The following ADGRL4 variants were observed in gnomAD, a reference collection of about 807,000 sequenced individuals.
ADGRL4 encodes adhesion G protein-coupled receptor L4.
ADGRL4 carries 90 observed loss-of-function variants against 74.8 expected under a neutral mutation model. The observed-to-expected ratio is 1.20, with a 90% CI of 1.02 to 1.43. The LOEUF (loss-of-function observed/expected upper bound fraction) is 1.43. ADGRL4 is among the 40% of genes most tolerant of loss of function. The probability of loss-of-function intolerance (pLI) is 0.00; values close to 1 mark genes in which losing one functional copy is unlikely to be tolerated. For synonymous variants in ADGRL4, 311 were observed against 279.2 expected (o/e 1.11, Z -1.14); for missense variants, 881 against 814.3 (o/e 1.08, Z -1.00).
At chr1:78,982,685 A>G (rs906919803) in intron 2 of ADGRL4, among the ~76,000 whole-genome samples, 1 of 151,958 alleles carries the variant, frequency 6.6e-6, no homozygotes, top group Non-Finnish European at 1.5e-5. Context: ...TATGACAAAG[A>G]AAATAAATGT....
Position 78,915,174 on chromosome 1 carries a change from CA to C in ADGRL4, c.1749+2459del, listed in dbSNP as rs1209378874. On this transcript the variant is annotated intron_variant, in intron 12 of 14. Coordinates refer to ENST00000370742, the MANE Select transcript of ADGRL4 (RefSeq NM_022159.4). Reference sequence around the variant, plus strand: ...CACCCTATCATTTTATTACTAGGGACACTGTATAATAATCTTTTCTGTCCCT... The same window carrying C: ...CACCCTATCATTTTATTACTAGGGACCTGTATAATAATCTTTTCTGTCCCT... Among the ~76,000 whole-genome samples, 15 of 151,980 alleles carry C rather than the reference CA, an allele frequency of 9.9e-5. No individual in the cohort carries two copies. In the Middle Eastern group the frequency reaches 0.01, roughly 103 times the overall value.
chr1:78,994,022 A>G lies in ADGRL4; in HGVS notation c.172+11048T>C, dbSNP rs1412768110. On this transcript the variant is annotated intron_variant, in intron 2 of 14. Transcript: ENST00000370742. ...GGCTGCCTCAAAAACAGACCATTAC[A>G]AGGCATTAGTGCCAATATTTCAGCT... Among the ~76,000 whole-genome samples the G allele has an allele frequency of 2.0e-5, 3 of 152,196 alleles. No individual in the cohort carries two copies. In the East Asian group the frequency reaches 5.8e-4, roughly 29 times the overall value.
intron 2 of ADGRL4, among the ~76,000 whole-genome samples, chr1:78,953,858 G>A (rs534733313): frequency 1.3e-5 from 2 of 152,234 alleles, no homozygotes; most frequent in African/African-American, 4.8e-5. Flanking sequence ...CTAATAAATG[G>A]TCTGCACCGG....
intron 1 of ADGRL4, 70 bp from the exon 2 acceptor site, chr1:79,005,289 G>A: frequency 8.3e-7 from 1 of 1,207,134 alleles, no homozygotes; most frequent in South Asian, 1.7e-5. Context: ...TTGAATTAGA[G>A]TATAATAAAC....
intron 12 of ADGRL4, among the ~76,000 whole-genome samples, chr1:78,909,355 G>A (rs1240905321): frequency 6.6e-6 from 1 of 151,900 alleles, no homozygotes; most frequent in Non-Finnish European, 1.5e-5. Context: ...TAACATCCAT[G>A]TCTAGGCTAG....
rs1209156835 is a variant in ADGRL4, at chr1:78,890,636, T to C, written c.*518A>G. ...CAATTCTTTATTTTATGTCAACAAT[T>C]TCTCAGCTAGTCTACAGAAAAAACA... On this transcript the variant is annotated 3_prime_UTR_variant, in exon 15 of 15. Coordinates refer to ENST00000370742, the MANE Select transcript of ADGRL4 (RefSeq NM_022159.4). 2 of 152,308 alleles carry C rather than the reference T, an allele frequency of 1.3e-5. No homozygotes were observed. The highest frequency in any genetic ancestry group is 6.5e-5 in the Admixed American group (1 of 15,268). 9.4% of individuals were successfully genotyped at this position (152,308 alleles called of 1,614,324 possible).
At chr1:78,984,170 G>A (rs977366076) in intron 2 of ADGRL4, among the ~76,000 whole-genome samples, 1 of 151,598 alleles carries the variant, frequency 6.6e-6, no homozygotes, top group Non-Finnish European at 1.5e-5. Context: ...AAGTAAGATG[G>A]TTCTTATCAC....
chr1:78,921,720 A>G lies in ADGRL4; in HGVS notation c.1150T>C (p.Trp384Arg). The G allele has an allele frequency of 6.2e-6, 10 of 1,604,132 alleles. No homozygotes were observed. Among genetic ancestry groups the G allele is most frequent in the Non-Finnish European group, 8.5e-6 (10 of 1,174,800 alleles). Residue 384 changes from tryptophan (W) to arginine (R), a missense_variant, in exon 9 of 15, where the codon TGG becomes CGG. Trp to Arg is a moderately radical substitution (Grantham distance 101). Coordinates refer to ENST00000370742, the MANE Select transcript of ADGRL4 (RefSeq NM_022159.4). The part of the protein sequence containing the change: ...NYSPDTMNGS[W>R]SSEGCELTYS... ...GTCAGCTCACAGCCCTCTGAAGACC[A>G]GCTGCCATTCATGGTATCAGGTGAG...
chr1:78,954,164 A>G (rs190863204), intron 2 of ADGRL4, among the ~76,000 whole-genome samples: 9 of 152,154 alleles, frequency 5.9e-5, no homozygotes, highest in Admixed American at 5.9e-4. Flanking sequence ...AAATAAATAA[A>G]TAAATAAATA....
chr1:78,955,293 G>A (rs1194314807), intron 2 of ADGRL4, among the ~76,000 whole-genome samples: 1 of 152,016 alleles, frequency 6.6e-6, no homozygotes, highest in Non-Finnish European at 1.5e-5. Flanking sequence ...TAATTTTCTT[G>A]TAGATTTGCA....
chr1:78,982,310 T>C (rs1473770364), intron 2 of ADGRL4, among the ~76,000 whole-genome samples: 1 of 151,856 alleles, frequency 6.6e-6, no homozygotes, highest in African/African-American at 2.4e-5. Flanking sequence ...AAGGCACAGA[T>C]GGGGAGAGCT....
intron 2 of ADGRL4, among the ~76,000 whole-genome samples, chr1:78,954,271 A>G (rs981051289): frequency 1.9e-4 from 29 of 152,096 alleles, no homozygotes; most frequent in Admixed American, 5.2e-4. Context: ...AAAAGAGAAG[A>G]CTCGTTATCT....
At chr1:78,966,785 C>G (rs79677340) in intron 2 of ADGRL4, among the ~76,000 whole-genome samples, 20,794 of 151,940 alleles carry the variant, frequency 0.14, 1,655 homozygotes, top group East Asian at 0.35. Flanking sequence ...AGAATAAGAG[C>G]TTCTTCTCCC....
intron 2 of ADGRL4, among the ~76,000 whole-genome samples, chr1:78,953,036 T>A (rs944330678): frequency 2.0e-5 from 3 of 152,164 alleles, no homozygotes; most frequent in Non-Finnish European, 2.9e-5. Flanking sequence ...TTGGTCCTCT[T>A]TGTCAGAACT....
In ADGRL4 at chr1:79,002,217, A is replaced by T. The variant is rs146636586; in HGVS notation, c.172+2853T>A. On this transcript the variant is annotated intron_variant, in intron 2 of 14. Coordinates refer to ENST00000370742, the MANE Select transcript of ADGRL4 (RefSeq NM_022159.4). ...TCCAAATGAGAAGTAACAACTTGAAAGTCAATGCATTTATTACAGTCAGCT... is the reference window on the plus strand; with the variant it reads ...TCCAAATGAGAAGTAACAACTTGAATGTCAATGCATTTATTACAGTCAGCT... Among the ~76,000 whole-genome samples the T allele has an allele frequency of 8.5e-5, 13 of 152,284 alleles. 1 individual carries two copies. In the East Asian group the frequency reaches 1.9e-3, roughly 23 times the overall value.
chr1:78,943,664 A>C (rs1570245266), intron 3 of ADGRL4, among the ~76,000 whole-genome samples: 1 of 152,300 alleles, frequency 6.6e-6, no homozygotes, highest in East Asian at 1.9e-4. Context: ...TACTAACGCA[A>C]AAGGGAGTAG....
At chr1:78,905,691 G>T (rs977581607) in intron 12 of ADGRL4, among the ~76,000 whole-genome samples, 2 of 151,892 alleles carry the variant, frequency 1.3e-5, no homozygotes, top group African/African-American at 4.8e-5. Flanking sequence ...TTTATTTGGT[G>T]ATGTATTCTC....
intron 12 of ADGRL4, among the ~76,000 whole-genome samples, chr1:78,900,467 T>TA (rs1648493817): frequency 6.6e-6 from 1 of 152,096 alleles, no homozygotes; most frequent in African/African-American, 2.4e-5. Flanking sequence ...TAGGGAGAAA[T>TA]ACACGCACAT....
intron 12 of ADGRL4, among the ~76,000 whole-genome samples, chr1:78,911,465 T>C (rs1373011582): frequency 6.6e-6 from 1 of 151,874 alleles, no homozygotes; most frequent in Non-Finnish European, 1.5e-5. Context: ...TATTTCATGT[T>C]TACTTTGTTT....
Sources: allele counts gnomAD v4.1 joint callset (sites outside exome capture counted in the v4.1 genomes callset), GRCh38; gene constraint gnomAD v4.1.1; transcripts MANE v1.5; gene names NCBI Gene and HGNC (gene_info 2026-07-23, HGNC 2026-07-21).